Variants in SNTG1 observed in about 807,000 individuals in gnomAD.
SNTG1 encodes the protein gamma-1-syntrophin.
Under a neutral mutation model 74.7 loss-of-function variants are expected in SNTG1, and 39 were observed. That is an observed-to-expected ratio of 0.52 (90% CI 0.40 to 0.68). The LOEUF is 0.68. Among genes scored for constraint, SNTG1 ranks in the 30% least tolerant of loss-of-function variants. The pLI is 0.00. For synonymous variants in SNTG1, 254 were observed against 217.1 expected (o/e 1.17, Z -1.49); for missense variants, 685 against 609.5 (o/e 1.12, Z -1.30).
At chr8:50,219,682 A>C (rs531016004) in intron 2 of SNTG1, among the ~76,000 whole-genome samples, 1 of 152,276 alleles carries the variant, frequency 6.6e-6, no homozygotes, top group African/African-American at 2.4e-5. Context: ...CTCACTCACT[A>C]TCATGAGAAC....
chr8:50,212,859 C>A (rs10090929), intron 2 of SNTG1, among the ~76,000 whole-genome samples: 17 of 152,102 alleles, frequency 1.1e-4, no homozygotes, highest in African/African-American at 3.9e-4. Context: ...TCAGACTGAC[C>A]AATTTGAATA....
chr8:50,511,155 G>T (rs545822259), intron 9 of SNTG1, among the ~76,000 whole-genome samples: 1 of 152,122 alleles, frequency 6.6e-6, no homozygotes, highest in African/African-American at 2.4e-5. Context: ...CTTTATTTCT[G>T]CCTTCATTTA....
intron 1 of SNTG1, among the ~76,000 whole-genome samples, chr8:50,138,404 G>A (rs28557047): frequency 0.026 from 3,961 of 151,810 alleles, 187 homozygotes; most frequent in African/African-American, 0.089. Flanking sequence ...GGTCAACCGA[G>A]GTCAGGAGTT....
intron 1 of SNTG1, among the ~76,000 whole-genome samples, chr8:50,139,973 C>A (rs1586443374): frequency 6.6e-6 from 1 of 152,310 alleles, no homozygotes; most frequent in East Asian, 1.9e-4. Flanking sequence ...TTTCACATGT[C>A]ACTAGCGAGC....
intron 2 of SNTG1, among the ~76,000 whole-genome samples, chr8:50,350,194 C>T (rs2091610941): frequency 6.6e-6 from 1 of 152,120 alleles, no homozygotes; most frequent in Non-Finnish European, 1.5e-5. Context: ...GCCTGAGCCT[C>T]CCTGCCCCCA....
chr8:49,967,191 G>C (rs993245773), intron 1 of SNTG1, among the ~76,000 whole-genome samples: 1 of 152,164 alleles, frequency 6.6e-6, no homozygotes, highest in Non-Finnish European at 1.5e-5. Flanking sequence ...CAGATGTACA[G>C]TATAGGTTAT....
chr8:50,150,383 A>C (rs996530226), intron 1 of SNTG1, among the ~76,000 whole-genome samples: 1 of 152,068 alleles, frequency 6.6e-6, no homozygotes, highest in African/African-American at 2.4e-5. Flanking sequence ...AATACCCTTT[A>C]TTTCTTTCTC....
At chr8:50,744,597 AC>A (rs1013364481) in intron 17 of SNTG1, among the ~76,000 whole-genome samples, 89 of 152,132 alleles carry the variant, frequency 5.9e-4, no homozygotes, top group African/African-American at 2.1e-3. Flanking sequence ...AATACCCAAA[AC>A]AATCTTGAAA....
rs950849552 is a variant in SNTG1, at chr8:49,919,036, A to G, written c.-103+6805A>G. ...CTTCATTCCAAAGTACGGTTTGCCTACGTGATAACATTTGCCTCTTTCTCT... is the reference window on the plus strand; with the variant it reads ...CTTCATTCCAAAGTACGGTTTGCCTGCGTGATAACATTTGCCTCTTTCTCT... On this transcript the variant is annotated intron_variant, in intron 1 of 18. Coordinates refer to ENST00000642720, the MANE Select transcript of SNTG1 (RefSeq NM_018967.5). Among the ~76,000 whole-genome samples the G allele has an allele frequency of 4.6e-5, 7 of 152,132 alleles. No homozygotes were observed. In the East Asian group the frequency reaches 7.7e-4, roughly 17 times the overall value.
chr8:50,750,428 C>T (rs982769795), intron 17 of SNTG1, among the ~76,000 whole-genome samples: 1 of 151,982 alleles, frequency 6.6e-6, no homozygotes, highest in Non-Finnish European at 1.5e-5. Context: ...TGATAAACAG[C>T]AGCAGGATTT....
At chr8:50,295,482 G>A (rs1396983907) in intron 2 of SNTG1, among the ~76,000 whole-genome samples, 1 of 152,132 alleles carries the variant, frequency 6.6e-6, no homozygotes, top group Admixed American at 6.6e-5. Flanking sequence ...TCCAAACAGA[G>A]CAGTGTTTCA....
chr8:50,435,999 G>A (rs1323174583), intron 4 of SNTG1, among the ~76,000 whole-genome samples: 1 of 152,166 alleles, frequency 6.6e-6, no homozygotes, highest in African/African-American at 2.4e-5. Context: ...AAGGAAAGCA[G>A]CACTTCAGTA....
At chr8:50,260,412 G>A (rs7014050) in intron 2 of SNTG1, among the ~76,000 whole-genome samples, 135,529 of 152,094 alleles carry the variant, frequency 0.89, 61,939 homozygotes, top group East Asian at 1. Flanking sequence ...AACTAAGCAC[G>A]GGACTATAGT....
intron 9 of SNTG1, among the ~76,000 whole-genome samples, chr8:50,523,687 A>G (rs1210322225): frequency 6.6e-6 from 1 of 152,182 alleles, no homozygotes; most frequent in Admixed American, 6.5e-5. Context: ...ATGACTGATG[A>G]CAGATCACCA....
intron 15 of SNTG1, among the ~76,000 whole-genome samples, chr8:50,665,193 G>A (rs2095244736): frequency 6.6e-6 from 1 of 151,984 alleles, no homozygotes; most frequent in Non-Finnish European, 1.5e-5. Context: ...GAATGAGGAG[G>A]GTATTCAGAG....
At chr8:50,233,999 A>G (rs1451956998) in intron 2 of SNTG1, among the ~76,000 whole-genome samples, 1 of 151,916 alleles carries the variant, frequency 6.6e-6, no homozygotes, top group African/African-American at 2.4e-5. Context: ...GCATTTTTTA[A>G]AAATCAAACC....
At chr8:50,685,995 G>A (rs35751430) in intron 15 of SNTG1, among the ~76,000 whole-genome samples, 31,814 of 151,878 alleles carry the variant, frequency 0.21, 3,431 homozygotes, top group South Asian at 0.31. Flanking sequence ...AAACATGTAC[G>A]GGATTCAGTG....
At chr8:50,067,898 T>G (rs766479048) in intron 1 of SNTG1, among the ~76,000 whole-genome samples, 2 of 152,202 alleles carry the variant, frequency 1.3e-5, no homozygotes, top group African/African-American at 2.4e-5. Flanking sequence ...CGTTGCTGCA[T>G]GAATGATTGC....
intron 9 of SNTG1, among the ~76,000 whole-genome samples, chr8:50,516,341 A>T (rs996233100): frequency 1.3e-5 from 2 of 152,226 alleles, no homozygotes; most frequent in African/African-American, 4.8e-5. Context: ...ATGAGGAAAA[A>T]CCAGCACACA....
Sources: gnomAD v4.1 joint callset for allele counts (sites outside exome capture counted in the v4.1 genomes callset) on GRCh38, gnomAD v4.1.1 for gene constraint, MANE v1.5 for transcripts, NCBI Gene and HGNC (gene_info 2026-07-23, HGNC 2026-07-21) for gene names.